EHMT1: variants seen among roughly 807,000 people sequenced by gnomAD.
The protein encoded by EHMT1 is euchromatic histone lysine methyltransferase 1.
Under a neutral mutation model 147.2 loss-of-function variants are expected in EHMT1, and 15 were observed. That is an observed-to-expected ratio of 0.10 (90% CI 0.07 to 0.16). The LOEUF (loss-of-function observed/expected upper bound fraction) is 0.16. Ranked by LOEUF, EHMT1 falls within the 10% of genes least tolerant of loss-of-function variation. EHMT1 has a pLI of 1.00. For missense variants in EHMT1, 1,587 were observed against 1,772.4 expected, an observed-to-expected ratio of 0.90 and a Z score of 1.88; for synonymous variants, 795 against 709.6, an observed-to-expected ratio of 1.12 and a Z score of -1.91.
At chr9:137,803,123 C>T (rs1953644055) in intron 18 of EHMT1, 1 of 1,229,016 alleles carries the variant, frequency 8.1e-7, no homozygotes, top group East Asian at 3.2e-5. Context: ...GGTGTCAGAG[C>T]TGTTAGCTCT....
intron 2 of EHMT1, 49 bp from the exon 3 acceptor site, chr9:137,716,577 C>T (rs772860550): frequency 2.0e-5 from 30 of 1,502,102 alleles, no homozygotes; most frequent in Non-Finnish European, 2.2e-5. Flanking sequence ...GTGGTGGTGC[C>T]ATGGAGAGCG....
Position 137,828,714 on chromosome 9 carries a change from A to G in EHMT1, c.3541-5635A>G, listed in dbSNP as rs1256684684. ...TATTTTTAACGCACTGCACTAGAGC[A>G]TCTCTAAGGCCGGTGGTTCTGGACA... is the stretch of plus-strand genomic sequence containing the variant. On this transcript the variant is annotated intron_variant, in intron 25 of 26. Transcript: ENST00000460843. The surrounding 1 kb of genome is among the most constrained non-coding windows in gnomAD (Gnocchi z 5.3). Among the ~76,000 whole-genome samples the G allele has an allele frequency of 1.3e-5, 2 of 152,174 alleles. No homozygotes were observed. Among genetic ancestry groups the G allele is most frequent in the Non-Finnish European group, 2.9e-5 (2 of 68,028 alleles).
In EHMT1 at chr9:137,679,166, G is replaced by A. The variant is rs188277590; in HGVS notation, c.22-31801G>A. On this transcript the variant is annotated intron_variant, in intron 1 of 26. Coordinates refer to ENST00000460843, the MANE Select transcript of EHMT1 (RefSeq NM_024757.5). ...GGGTTTCACCATGTTGGCCAGGCTG[G>A]TCTCGAACTCCTGACTTCGTGATCT... Among the ~76,000 whole-genome samples, 754 of 152,262 alleles carry A rather than the reference G, an allele frequency of 5.0e-3. 6 individuals are homozygous for A. The highest frequency in any genetic ancestry group is 0.017 in the African/African-American group (719 of 41,544).
At chr9:137,746,670 A>G (rs1034921443) in intron 6 of EHMT1, 9 of 152,226 alleles carry the variant, frequency 5.9e-5, no homozygotes, top group Non-Finnish European at 8.8e-5. Context: ...TTATATCTCA[A>G]TAAAGCTTTT....
At chr9:137,820,834 A>G (rs555138154) in intron 25 of EHMT1, among the ~76,000 whole-genome samples, 1 of 151,972 alleles carries the variant, frequency 6.6e-6, no homozygotes, top group Non-Finnish European at 1.5e-5. Flanking sequence ...TAATTATTTT[A>G]ATTACTGTAG....
At chr9:137,694,923 G>A (rs146464381) in intron 1 of EHMT1, among the ~76,000 whole-genome samples, 84 of 152,340 alleles carry the variant, frequency 5.5e-4, no homozygotes, top group Non-Finnish European at 1.1e-3. Context: ...CAGCATATTA[G>A]TGGCGGTAAG....
chr9:137,619,093 A>G (rs1266210872), intron 1 of EHMT1, 44 bp downstream of exon 1: 6 of 682,322 alleles, frequency 8.8e-6, no homozygotes, highest in Non-Finnish European at 1.1e-5. Context: ...GGCGGCGGGC[A>G]GCGGCGGAGG....
intron 1 of EHMT1, among the ~76,000 whole-genome samples, chr9:137,690,026 G>A (rs1016918249): frequency 3.9e-5 from 6 of 152,180 alleles, no homozygotes; most frequent in African/African-American, 7.2e-5. Flanking sequence ...AAGATGGGAA[G>A]CCACTAGAAT....
chr9:137,632,400 C>T (rs527536303), intron 1 of EHMT1, among the ~76,000 whole-genome samples: 19 of 152,166 alleles, frequency 1.2e-4, no homozygotes, highest in South Asian at 2.1e-4. Context: ...AATGCAGAGG[C>T]GAATGCATGA....
At position 137,802,562 on chromosome 9, in the gene EHMT1, T is replaced by G. The variant is rs1953584986; in HGVS notation, c.2712+1578T>G. The G allele has an allele frequency of 1.0e-5, 4 of 398,324 alleles. No homozygotes were observed. In the Admixed American group the frequency reaches 1.3e-4, roughly 13 times the overall value. 24.7% of individuals were successfully genotyped at this position (398,324 alleles called of 1,614,324 possible). ...AGTCTGGTGTCTGAGGAGGGAGGGC[T>G]GACACTTCCTCTCAGAGCTTGAGAA... On this transcript the variant is annotated intron_variant, in intron 18 of 26. Transcript: ENST00000460843.
chr9:137,721,045 T>C (rs1427821356), intron 3 of EHMT1, among the ~76,000 whole-genome samples: 1 of 151,996 alleles, frequency 6.6e-6, no homozygotes, highest in Non-Finnish European at 1.5e-5. Flanking sequence ...TTACCCACTT[T>C]TTATTTAGCG....
At chr9:137,773,966 G>C (rs1950758737) in intron 10 of EHMT1, among the ~76,000 whole-genome samples, 1 of 152,130 alleles carries the variant, frequency 6.6e-6, no homozygotes, top group African/African-American at 2.4e-5. Context: ...CTGGCATCCT[G>C]GGTGCCCTCA....
intron 10 of EHMT1, among the ~76,000 whole-genome samples, chr9:137,771,995 C>T (rs1260010436): frequency 6.6e-6 from 1 of 152,152 alleles, no homozygotes; most frequent in African/African-American, 2.4e-5. Context: ...CAGCTGCACA[C>T]CCCACTGTGT....
intron 3 of EHMT1, among the ~76,000 whole-genome samples, chr9:137,718,053 C>T (rs1486378832): frequency 6.6e-6 from 1 of 151,880 alleles, no homozygotes; most frequent in Non-Finnish European, 1.5e-5. Flanking sequence ...CAGGGTGCGC[C>T]CACCCCTCAC....
intron 1 of EHMT1, among the ~76,000 whole-genome samples, chr9:137,699,674 C>CA (rs34626207): frequency 1.3e-3 from 166 of 129,976 alleles, no homozygotes; most frequent in Admixed American, 3.0e-3. Context: ...GACTCTGTCT[C>CA]AAAAAAAAAA....
chr9:137,791,570 A>G (rs10867070), intron 16 of EHMT1, among the ~76,000 whole-genome samples: 68,283 of 152,094 alleles, frequency 0.45, 18,247 homozygotes, highest in East Asian at 0.86. Flanking sequence ...AAAGACTTGT[A>G]TTTGTTAGTT....
rs1950436639 is a variant in EHMT1 at position 137,769,145 on chromosome 9, C to T, written c.1648-5964C>T. 2.6e-5 allele frequency among the ~76,000 whole-genome samples: 4 copies of T among 152,314 alleles called. No individual in the cohort carries two copies. The South Asian group carries it at 6.2e-4, about 24-fold the overall frequency. On this transcript the variant is annotated intron_variant, in intron 10 of 26. Coordinates refer to ENST00000460843, the MANE Select transcript of EHMT1 (RefSeq NM_024757.5). ...AGTCTACCTCCAACAAATCATTATA[C>T]CACATAACATACAGTGTAAGAATCT...
chr9:137,776,607 C>T lies in EHMT1; in HGVS notation c.1792-11C>T. 6.2e-7 allele frequency: 1 copy of T among 1,613,480 alleles called. No individual in the cohort carries two copies. Among genetic ancestry groups the T allele is most frequent in the Non-Finnish European group, 8.5e-7 (1 of 1,179,800 alleles). On this transcript the variant is annotated splice_polypyrimidine_tract_variant and intron_variant, in intron 11 of 26. Transcript: ENST00000460843. This position sits in a 1 kb window ranked among gnomAD's most constrained non-coding sequence, Gnocchi z 4.4. ...TAAAACAAAAATTTTTTTTTGTCCT[C>T]CCATTTTTAGGGTAATTTTATGGAG...
At chr9:137,662,793 TTTA>T (rs1330240039) in intron 1 of EHMT1, among the ~76,000 whole-genome samples, 10 of 146,580 alleles carry the variant, frequency 6.8e-5, no homozygotes, top group Admixed American at 2.7e-4. Context: ...TATTTATTTA[TTTA>T]TTTATTTATT....
Sources: allele counts gnomAD v4.1 joint callset (sites outside exome capture counted in the v4.1 genomes callset), GRCh38; gene constraint gnomAD v4.1.1; non-coding constraint Gnocchi (gnomAD v3.1); transcripts MANE v1.5; gene names NCBI Gene and HGNC (gene_info 2026-07-23, HGNC 2026-07-21).